Variants in CDK14 observed in about 807,000 individuals in gnomAD.
CDK14 encodes the protein cyclin dependent kinase 14.
Under a neutral mutation model 60.7 loss-of-function variants are expected in CDK14, and 34 were observed. The ratio of observed to expected loss-of-function variants is 0.56; its 90% CI spans 0.43 to 0.75. CDK14 has a LOEUF of 0.75. CDK14 is among the 30% of genes least tolerant of loss of function. The pLI is 0.00. For synonymous variants in CDK14, 197 were observed against 203.7 expected, an observed-to-expected ratio of 0.97 and a Z score of 0.28; for missense variants, 482 against 564.1, an observed-to-expected ratio of 0.85 and a Z score of 1.47.
intron 3 of CDK14, among the ~76,000 whole-genome samples, chr7:90,745,367 T>C (rs182368941): frequency 8.4e-4 from 128 of 152,366 alleles, no homozygotes; most frequent in African/African-American, 2.9e-3. Flanking sequence ...TTTGAAAATA[T>C]TGCTTAACTG....
chr7:90,841,532 C>T (rs907323705), intron 5 of CDK14, among the ~76,000 whole-genome samples: 34 of 151,830 alleles, frequency 2.2e-4, no homozygotes, highest in African/African-American at 8.2e-4. Flanking sequence ...AAACATGTTG[C>T]TTAATTGCCT....
intron 7 of CDK14, among the ~76,000 whole-genome samples, chr7:90,911,975 A>C (rs1792917104): frequency 6.6e-6 from 1 of 152,212 alleles, no homozygotes; most frequent in South Asian, 2.1e-4. Context: ...AACTGGCTAA[A>C]GATAGCTCTG....
At chr7:90,795,847 G>T (rs1467326838) in intron 5 of CDK14, among the ~76,000 whole-genome samples, 1 of 152,134 alleles carries the variant, frequency 6.6e-6, no homozygotes, top group Non-Finnish European at 1.5e-5. Context: ...GCTAGTCTTG[G>T]TCCAAGGTGA....
chr7:90,947,155 C>T (rs758587711), intron 8 of CDK14, among the ~76,000 whole-genome samples: 8 of 152,172 alleles, frequency 5.3e-5, no homozygotes, highest in East Asian at 1.9e-4. Flanking sequence ...CTAATGTACT[C>T]GTGTTTTTGG....
intron 2 of CDK14, among the ~76,000 whole-genome samples, chr7:90,721,981 C>T (rs780539081): frequency 1.3e-5 from 2 of 152,148 alleles, no homozygotes; most frequent in African/African-American, 2.4e-5. Context: ...AGGGGAGTAG[C>T]GCCAGTGTAT....
chr7:90,944,467 C>T (rs996869730), intron 8 of CDK14, among the ~76,000 whole-genome samples: 1 of 152,162 alleles, frequency 6.6e-6, no homozygotes, highest in Non-Finnish European at 1.5e-5. Flanking sequence ...GTGCAGTGCC[C>T]CACGCCTGTA....
At chr7:91,042,149 T>C (rs1271548789) in intron 10 of CDK14, among the ~76,000 whole-genome samples, 3 of 152,108 alleles carry the variant, frequency 2.0e-5, no homozygotes, top group Non-Finnish European at 2.9e-5. Flanking sequence ...CTGGCAAAAT[T>C]AGGGCAGAGC....
At chr7:91,036,123 G>T (rs1020745944) in intron 10 of CDK14, among the ~76,000 whole-genome samples, 4 of 152,174 alleles carry the variant, frequency 2.6e-5, no homozygotes, top group Non-Finnish European at 5.9e-5. Flanking sequence ...GATTATAGGC[G>T]TGAGCCACTG....
intron 12 of CDK14, among the ~76,000 whole-genome samples, chr7:91,104,117 A>G (rs1161260008): frequency 6.6e-6 from 1 of 152,122 alleles, no homozygotes; most frequent in Non-Finnish European, 1.5e-5. Context: ...CTTTTTACAA[A>G]ATGAATGTAG....
intron 11 of CDK14, among the ~76,000 whole-genome samples, chr7:91,055,896 C>T (rs1318006710): frequency 6.6e-6 from 1 of 152,196 alleles, no homozygotes; most frequent in Non-Finnish European, 1.5e-5. Context: ...GTGGCATTTC[C>T]ATAAACTGGC....
rs376888592 is a variant in CDK14 at position 91,095,756 on chromosome 7, A to G, written c.1154+16276A>G. Among the ~76,000 whole-genome samples, 10 of 152,234 alleles carry G rather than the reference A, an allele frequency of 6.6e-5. No homozygotes were observed. In the South Asian group the frequency reaches 1.7e-3, roughly 25 times the overall value. ...AAAATATATATACTAACATATTACT[A>G]TAAAAAGTCTGTGGACTAGCTGTTA... is the stretch of plus-strand genomic sequence containing the variant. On this transcript the variant is annotated intron_variant, in intron 12 of 14. Transcript: ENST00000380050.
intron 8 of CDK14, among the ~76,000 whole-genome samples, chr7:90,929,677 A>G (rs1050383086): frequency 1.3e-5 from 2 of 152,244 alleles, no homozygotes; most frequent in African/African-American, 2.4e-5. Context: ...AATTCCTTTA[A>G]GAGACAGAAC....
chr7:91,080,117 TTACTTG>T (rs1331121192), intron 12 of CDK14, among the ~76,000 whole-genome samples: 7 of 152,334 alleles, frequency 4.6e-5, no homozygotes, highest in African/African-American at 1.7e-4. Context: ...TCATTCCCGT[TTACTTG>T]TGAGTGTCAC....
intron 8 of CDK14, among the ~76,000 whole-genome samples, chr7:90,936,239 G>C (rs1793748353): frequency 6.6e-6 from 1 of 151,890 alleles, no homozygotes; most frequent in Non-Finnish European, 1.5e-5. Context: ...TTTATTTGTT[G>C]AATTTTTCAA....
At chr7:90,901,469 T>A (rs1792503215) in intron 7 of CDK14, among the ~76,000 whole-genome samples, 1 of 152,126 alleles carries the variant, frequency 6.6e-6, no homozygotes, top group South Asian at 2.1e-4. Flanking sequence ...TCTTATTTTT[T>A]AAAATACCTT....
At chr7:90,823,284 T>A (rs1215929582) in intron 5 of CDK14, among the ~76,000 whole-genome samples, 1 of 152,234 alleles carries the variant, frequency 6.6e-6, no homozygotes, top group African/African-American at 2.4e-5. Flanking sequence ...AAAGGAGATA[T>A]CTACTCTATC....
intron 2 of CDK14, among the ~76,000 whole-genome samples, 170 bp downstream of exon 2, chr7:90,604,419 T>G (rs1799376978): frequency 6.6e-6 from 1 of 152,248 alleles, no homozygotes; most frequent in Non-Finnish European, 1.5e-5. Context: ...ATCGTTCAAA[T>G]GAGTTTTGGT....
intron 2 of CDK14, among the ~76,000 whole-genome samples, chr7:90,618,724 C>T (rs531241035): frequency 1.8e-4 from 27 of 152,238 alleles, no homozygotes; most frequent in African/African-American, 6.5e-4. Context: ...TTCTGATGAT[C>T]CCCACTGCAT....
chr7:91,159,342 G>A (rs918646322), intron 14 of CDK14, among the ~76,000 whole-genome samples: 1 of 152,190 alleles, frequency 6.6e-6, no homozygotes, highest in Non-Finnish European at 1.5e-5. Context: ...ACTCAGCATG[G>A]TCATGCTGTT....
Sources: allele counts gnomAD v4.1 joint callset (sites outside exome capture counted in the v4.1 genomes callset), GRCh38; gene constraint gnomAD v4.1.1; transcripts MANE v1.5; gene names NCBI Gene and HGNC (gene_info 2026-07-23, HGNC 2026-07-21).